The following ZNF277 variants were observed in gnomAD, a reference collection of about 807,000 sequenced individuals.
ZNF277 encodes the protein zinc finger protein 277, also known as nuclear receptor-interacting factor 4.
Under a neutral mutation model 60.7 loss-of-function variants are expected in ZNF277, and 55 were observed. The observed-to-expected ratio is 0.91, with a 90% confidence interval of 0.73 to 1.13. The LOEUF (loss-of-function observed/expected upper bound fraction) is 1.13. ZNF277 is among the 50% of genes most tolerant of loss of function. The pLI, the probability that ZNF277 is intolerant of heterozygous loss-of-function variation, is 0.00. For missense variants in ZNF277, 510 were observed against 523.0 expected (o/e 0.98, Z 0.24); for synonymous variants, 178 against 179.3 (o/e 0.99, Z 0.06).
chr7:112,329,986 A>C lies in ZNF277; in HGVS notation c.669-98A>C, dbSNP rs1331749839. On this transcript the variant is annotated intron_variant, in intron 6 of 11. Coordinates refer to ENST00000361822, the MANE Select transcript of ZNF277 (RefSeq NM_021994.3). The stretch of plus-strand genomic sequence containing the variant: ...TATATCCCATTTGAAGATGCTGTGT[A>C]ACCTAAAATGAATAAATATGAAACT... The C allele has an allele frequency of 2.2e-6, 3 of 1,362,496 alleles. No individual in the cohort carries two copies. The East Asian group carries it at 7.3e-5, about 33-fold the overall frequency. The allele number at this position is 1,362,496 out of a possible 1,614,324, so 84.4% of individuals were successfully genotyped here. A position where few individuals can be genotyped will look rare whatever the true frequency, so the allele number is the denominator to read the frequency against.
intron 1 of ZNF277, among the ~76,000 whole-genome samples, chr7:112,273,804 C>A (rs989475675): frequency 6.6e-6 from 1 of 151,914 alleles, no homozygotes; most frequent in African/African-American, 2.4e-5. Flanking sequence ...TTTTTTTCTT[C>A]AATTGCTTGC....
intron 4 of ZNF277, among the ~76,000 whole-genome samples, chr7:112,300,935 T>C (rs1365502725): frequency 6.6e-6 from 1 of 152,114 alleles, no homozygotes; most frequent in Non-Finnish European, 1.5e-5. Flanking sequence ...TCCATACTCA[T>C]ACTTACCTTG....
chr7:112,269,251 A>G (rs1220921607), intron 1 of ZNF277, among the ~76,000 whole-genome samples: 1 of 151,402 alleles, frequency 6.6e-6, no homozygotes, highest in East Asian at 1.9e-4. Flanking sequence ...TAAATAAAAG[A>G]CTCTACATCT....
chr7:112,293,161 C>T (rs1323081359), intron 2 of ZNF277, among the ~76,000 whole-genome samples: 9 of 152,150 alleles, frequency 5.9e-5, no homozygotes, highest in Non-Finnish European at 1.2e-4. Flanking sequence ...CCATTGCCTC[C>T]GGGGTGGTAA....
chr7:112,223,224 A>G (rs1822080881), intron 1 of ZNF277, among the ~76,000 whole-genome samples: 2 of 152,146 alleles, frequency 1.3e-5, no homozygotes, highest in South Asian at 2.1e-4. Flanking sequence ...CAGCTGATAG[A>G]GGCTCGAAGA....
intron 4 of ZNF277, among the ~76,000 whole-genome samples, chr7:112,304,409 G>C (rs995697355): frequency 1.3e-5 from 2 of 152,070 alleles, no homozygotes; most frequent in African/African-American, 4.8e-5. Context: ...AATTTTGGGG[G>C]TGGGGAAAAG....
intron 5 of ZNF277, among the ~76,000 whole-genome samples, chr7:112,319,627 GAATTTATAAATTAT>G (rs1041668664): frequency 1.4e-5 from 2 of 146,820 alleles, no homozygotes; most frequent in Admixed American, 6.8e-5. Context: ...CCACTTATTG[GAATTTATAAATTAT>G]AATTTATAAA....
intron 1 of ZNF277, among the ~76,000 whole-genome samples, chr7:112,210,549 G>A (rs1821715579): frequency 6.8e-6 from 1 of 147,318 alleles, no homozygotes; most frequent in South Asian, 2.1e-4. Flanking sequence ...TCAGCTCACT[G>A]CAACCTCCGC....
intron 5 of ZNF277, among the ~76,000 whole-genome samples, chr7:112,322,290 T>G (rs1201035121): frequency 2.0e-5 from 3 of 152,084 alleles, no homozygotes; most frequent in Non-Finnish European, 4.4e-5. Context: ...CTCTCTTTGC[T>G]CTCCTTTTGG....
At chr7:112,249,782 A>T (rs542121508) in intron 1 of ZNF277, among the ~76,000 whole-genome samples, 11 of 152,178 alleles carry the variant, frequency 7.2e-5, no homozygotes, top group Non-Finnish European at 1.0e-4. Flanking sequence ...ATGGACACTT[A>T]TCACTTCCCC....
At chr7:112,241,832 A>G (rs1790961455) in intron 1 of ZNF277, among the ~76,000 whole-genome samples, 1 of 152,112 alleles carries the variant, frequency 6.6e-6, no homozygotes, top group Non-Finnish European at 1.5e-5. Context: ...AGAGAATAGA[A>G]TGATGGTTAC....
chr7:112,273,714 C>A (rs1791731702), intron 1 of ZNF277, among the ~76,000 whole-genome samples: 1 of 152,224 alleles, frequency 6.6e-6, no homozygotes, highest in South Asian at 2.1e-4. Flanking sequence ...GATGTAGATT[C>A]TTCTGCACTC....
intron 1 of ZNF277, among the ~76,000 whole-genome samples, chr7:112,252,769 T>TA (rs1219053123): frequency 6.6e-6 from 1 of 152,166 alleles, no homozygotes; most frequent in Non-Finnish European, 1.5e-5. Context: ...GGTGACAACA[T>TA]ATGGTGAAAT....
chr7:112,258,717 A>C (rs1338988523), intron 1 of ZNF277, among the ~76,000 whole-genome samples: 1 of 152,164 alleles, frequency 6.6e-6, no homozygotes, highest in African/African-American at 2.4e-5. Flanking sequence ...TAGGAAGTTT[A>C]AAATAATCTT....
intron 1 of ZNF277, among the ~76,000 whole-genome samples, chr7:112,283,733 A>G (rs978011423): frequency 6.6e-6 from 1 of 152,224 alleles, no homozygotes; most frequent in African/African-American, 2.4e-5. Flanking sequence ...GGGAAAAACA[A>G]GTGAACCACA....
chr7:112,298,161 G>A (rs1792395925), intron 4 of ZNF277, among the ~76,000 whole-genome samples: 1 of 152,164 alleles, frequency 6.6e-6, no homozygotes, highest in Non-Finnish European at 1.5e-5. Context: ...GGTCTACTTA[G>A]AGAAGAAAGA....
At chr7:112,283,148 T>C (rs1476655105) in intron 1 of ZNF277, among the ~76,000 whole-genome samples, 2 of 152,242 alleles carry the variant, frequency 1.3e-5, no homozygotes, top group Non-Finnish European at 1.5e-5. Context: ...TGATCAATGC[T>C]GTTATAATTT....
chr7:112,264,084 GA>G (rs1791493405), intron 1 of ZNF277, among the ~76,000 whole-genome samples: 1 of 152,138 alleles, frequency 6.6e-6, no homozygotes, highest in Non-Finnish European at 1.5e-5. Context: ...ACATTGACTA[GA>G]TAGGAGGCTT....
intron 6 of ZNF277, 117 bp downstream of exon 6, chr7:112,327,944 G>A (rs1288069304): frequency 1.4e-6 from 1 of 708,954 alleles, no homozygotes; most frequent in South Asian, 2.2e-5. Flanking sequence ...CCATGTTGGA[G>A]GAGTTCACAT....
Sources: allele counts gnomAD v4.1 joint callset (sites outside exome capture counted in the v4.1 genomes callset), GRCh38; gene constraint gnomAD v4.1.1; transcripts MANE v1.5; gene names NCBI Gene and HGNC (gene_info 2026-07-23, HGNC 2026-07-21).